Variants in LDLRAD3 observed in about 807,000 individuals in gnomAD.
The protein encoded by LDLRAD3 is low-density lipoprotein receptor class A domain-containing protein 3.
A neutral mutation model predicts 29.4 loss-of-function variants in LDLRAD3; 20 were observed. The observed-to-expected ratio is 0.68, with a 90% CI of 0.48 to 0.99. The LOEUF is 0.99. LDLRAD3 is among the 50% of genes least tolerant of loss of function. LDLRAD3 has a pLI of 0.00. For synonymous variants in LDLRAD3, 157 were observed against 192.7 expected (o/e 0.81, Z 1.53); for missense variants, 420 against 454.3 (o/e 0.92, Z 0.69).
chr11:36,162,446 T>TA (rs1854456591), intron 4 of LDLRAD3, among the ~76,000 whole-genome samples: 1 of 152,170 alleles, frequency 6.6e-6, no homozygotes, highest in Non-Finnish European at 1.5e-5. Flanking sequence ...CGTCTCCTGA[T>TA]TTATAGCTTG....
At chr11:36,193,232 T>A (rs1317202260) in intron 4 of LDLRAD3, among the ~76,000 whole-genome samples, 2 of 152,170 alleles carry the variant, frequency 1.3e-5, no homozygotes, top group Non-Finnish European at 2.9e-5. Flanking sequence ...GCCCAAAATA[T>A]GGCAACTAGT....
At chr11:36,173,915 A>G (rs2133350930) in intron 4 of LDLRAD3, among the ~76,000 whole-genome samples, 1 of 152,344 alleles carries the variant, frequency 6.6e-6, no homozygotes, top group Non-Finnish European at 1.5e-5. Flanking sequence ...AGACAATCCT[A>G]AGCCAAAAGA....
intron 5 of LDLRAD3, among the ~76,000 whole-genome samples, chr11:36,227,686 A>G (rs1039800675): frequency 6.6e-6 from 1 of 152,176 alleles, no homozygotes; most frequent in African/African-American, 2.4e-5. Flanking sequence ...AGTTGCACAA[A>G]TCAGGAAATT....
At chr11:35,976,055 G>T (rs573932824) in intron 1 of LDLRAD3, among the ~76,000 whole-genome samples, 2 of 152,124 alleles carry the variant, frequency 1.3e-5, no homozygotes, top group South Asian at 4.2e-4. Flanking sequence ...GCTGGTGAGG[G>T]GTGGAGGGGT....
At chr11:36,071,482 G>A (rs757879964) in intron 2 of LDLRAD3, among the ~76,000 whole-genome samples, 3 of 152,108 alleles carry the variant, frequency 2.0e-5, no homozygotes, top group Non-Finnish European at 2.9e-5. Flanking sequence ...CACCCCAAAT[G>A]TCCATCAGTA....
intron 1 of LDLRAD3, among the ~76,000 whole-genome samples, chr11:35,978,466 G>A (rs999019524): frequency 7.9e-5 from 12 of 152,164 alleles, no homozygotes; most frequent in East Asian, 1.9e-4. Context: ...GTTTGCTGTC[G>A]TGGTAGCTCT....
chr11:36,097,546 G>A (rs76007775), intron 3 of LDLRAD3, among the ~76,000 whole-genome samples: 2,825 of 152,202 alleles, frequency 0.019, 62 homozygotes, highest in East Asian at 0.13. Flanking sequence ...TTCGGGTGAG[G>A]CATTTAGCAT....
intron 4 of LDLRAD3, among the ~76,000 whole-genome samples, chr11:36,168,511 T>C (rs1286375886): frequency 1.3e-5 from 2 of 150,158 alleles, no homozygotes; most frequent in East Asian, 1.9e-4. Context: ...TTTTTTTTTT[T>C]TTTTTTTTAC....
chr11:36,150,530 TA>T, intron 4 of LDLRAD3, among the ~76,000 whole-genome samples: 1 of 148,880 alleles, frequency 6.7e-6, no homozygotes, highest in East Asian at 2.0e-4. Context: ...CTTGTCTCTT[TA>T]AAAAAAAATA....
At chr11:35,997,243 G>A (rs1372490261) in intron 1 of LDLRAD3, 4 of 312,478 alleles carry the variant, frequency 1.3e-5, no homozygotes, top group East Asian at 1.8e-4. Context: ...TGAAGTGGCA[G>A]CCATCAGCAT....
chr11:36,191,597 TATACAC>T (rs1178323129), intron 4 of LDLRAD3, among the ~76,000 whole-genome samples: 3 of 101,342 alleles, frequency 3.0e-5, no homozygotes, highest in African/African-American at 1.2e-4. Flanking sequence ...TATATATATA[TATACAC>T]ACACACACAC....
chr11:36,026,238 A>G (rs1399533308), intron 1 of LDLRAD3, among the ~76,000 whole-genome samples: 3 of 152,202 alleles, frequency 2.0e-5, no homozygotes, highest in Non-Finnish European at 4.4e-5. Context: ...TGTAAACCCT[A>G]GTTCATTTAA....
At chr11:36,011,213 ACTT>A (rs775397596) in intron 1 of LDLRAD3, among the ~76,000 whole-genome samples, 7 of 152,150 alleles carry the variant, frequency 4.6e-5, no homozygotes, top group African/African-American at 1.4e-4. Context: ...TTAGGTGCAC[ACTT>A]CTTCTCTCCT....
chr11:36,066,264 T>G (rs1852792054), intron 2 of LDLRAD3, among the ~76,000 whole-genome samples: 1 of 152,116 alleles, frequency 6.6e-6, no homozygotes, highest in African/African-American at 2.4e-5. Flanking sequence ...GACTCTTTTT[T>G]TAGGTGGAAA....
At chr11:36,062,417 C>T (rs543791621) in intron 2 of LDLRAD3, among the ~76,000 whole-genome samples, 2 of 152,050 alleles carry the variant, frequency 1.3e-5, no homozygotes, top group African/African-American at 4.8e-5. Flanking sequence ...TCCTGTTACT[C>T]GACACACAGA....
chr11:36,129,342 G>A (rs932397746), intron 4 of LDLRAD3, among the ~76,000 whole-genome samples: 16 of 152,180 alleles, frequency 1.1e-4, no homozygotes, highest in African/African-American at 3.9e-4. Context: ...TTGCTGATTC[G>A]AACATTGAGC....
At chr11:36,111,048 T>C (rs1423757660) in intron 4 of LDLRAD3, among the ~76,000 whole-genome samples, 1 of 151,854 alleles carries the variant, frequency 6.6e-6, no homozygotes, top group Admixed American at 6.6e-5. Flanking sequence ...GTGGGAGACG[T>C]GAAACTGTTA....
At chr11:36,001,819 A>C (rs1332931827) in intron 1 of LDLRAD3, among the ~76,000 whole-genome samples, 1 of 149,674 alleles carries the variant, frequency 6.7e-6, no homozygotes, top group Non-Finnish European at 1.5e-5. Context: ...GTTCTTTTTA[A>C]ATTTTATATA....
chr11:36,032,669 A>G (rs1340492153), intron 1 of LDLRAD3, among the ~76,000 whole-genome samples: 1 of 152,074 alleles, frequency 6.6e-6, no homozygotes, highest in African/African-American at 2.4e-5. Flanking sequence ...CCCCATCATG[A>G]CAACCCAAAA....
Sources: gnomAD v4.1 joint callset for allele counts (sites outside exome capture counted in the v4.1 genomes callset) on GRCh38, gnomAD v4.1.1 for gene constraint, MANE v1.5 for transcripts, NCBI Gene and HGNC (gene_info 2026-07-23, HGNC 2026-07-21) for gene names.